TTC13: variants seen among roughly 807,000 people sequenced by gnomAD.
TTC13 encodes the protein tetratricopeptide repeat domain 13, also known as tetratricopeptide repeat protein 13.
TTC13 carries 62 observed loss-of-function variants against 120.0 expected under a neutral mutation model. The observed-to-expected ratio is 0.52, with a 90% CI of 0.42 to 0.64. TTC13 has a LOEUF of 0.64. Among genes scored for constraint, TTC13 ranks in the 30% least tolerant of loss-of-function variants. The pLI, the probability that TTC13 is intolerant of heterozygous loss-of-function variation, is 0.00. For synonymous variants in TTC13, 384 were observed against 393.5 expected (o/e 0.98, Z 0.28); for missense variants, 824 against 1,050.2 (o/e 0.78, Z 2.98).
At chr1:230,915,791 C>A (rs533096933) in intron 18 of TTC13, among the ~76,000 whole-genome samples, 89 of 151,124 alleles carry the variant, frequency 5.9e-4, no homozygotes, top group East Asian at 7.7e-4. Context: ...CTCTCTCTCT[C>A]TCTCTCTATA....
intron 18 of TTC13, among the ~76,000 whole-genome samples, chr1:230,914,567 G>A (rs1327574641): frequency 1.3e-5 from 2 of 151,798 alleles, no homozygotes; most frequent in Non-Finnish European, 2.9e-5. Context: ...GCTAATTTTT[G>A]TATTTTTAGT....
intron 16 of TTC13, among the ~76,000 whole-genome samples, chr1:230,921,000 C>A (rs1365684813): frequency 6.6e-6 from 1 of 152,106 alleles, no homozygotes; most frequent in African/African-American, 2.4e-5. Flanking sequence ...AAGTATTCTG[C>A]TAGGTTTTTC....
At chr1:230,920,825 C>A (rs1672511435) in intron 16 of TTC13, among the ~76,000 whole-genome samples, 1 of 152,122 alleles carries the variant, frequency 6.6e-6, no homozygotes, top group Non-Finnish European at 1.5e-5. Context: ...AAGGAAACAT[C>A]TAGAAGGCAA....
At chr1:230,962,417 C>T (rs562027691) in intron 1 of TTC13, among the ~76,000 whole-genome samples, 28 of 152,208 alleles carry the variant, frequency 1.8e-4, no homozygotes, top group Middle Eastern at 3.4e-3. Flanking sequence ...CACACACACA[C>T]ACTAGGATGG....
At chr1:230,943,947 G>A in intron 5 of TTC13, 49 bp from the exon 6 acceptor site, 5 of 1,412,118 alleles carry the variant, frequency 3.5e-6, no homozygotes, top group Non-Finnish European at 4.8e-6. Context: ...CTCAAAACCA[G>A]GCTGAAAAAA....
At chr1:230,951,021 C>A (rs1675519095) in intron 4 of TTC13, among the ~76,000 whole-genome samples, 1 of 152,142 alleles carries the variant, frequency 6.6e-6, no homozygotes, top group South Asian at 2.1e-4. Context: ...CTATTAAACC[C>A]TGTCATTGTG....
At position 230,978,666 on chromosome 1, in the gene TTC13, G is replaced by C; in HGVS notation, c.165C>G (p.Leu55=). The C allele has an allele frequency of 3.4e-6, 5 of 1,485,406 alleles. No individual in the cohort carries two copies. Among genetic ancestry groups the C allele is most frequent in the Non-Finnish European group, 4.4e-6 (5 of 1,126,076 alleles). 92.0% of individuals were successfully genotyped at this position (1,485,406 alleles called of 1,614,324 possible). ...ATEHYSPLSL[L]KQELQHRQQQ... is the part of the protein sequence containing the mutation. ...GCTGCCGGTGCTGCAGCTCCTGCTT[G>C]AGCAGGGAGAGCGGCGAGTAGTGCT... The change falls in exon 1 of 23, where the codon CTC becomes CTG. Residue 55 remains leucine, a synonymous_variant. Transcript: ENST00000366661. This position sits in a 1 kb window ranked among gnomAD's most constrained non-coding sequence, Gnocchi z 5.6.
intron 22 of TTC13, among the ~76,000 whole-genome samples, chr1:230,907,985 G>T (rs375914320): frequency 1.1e-3 from 11 of 10,214 alleles, no homozygotes; most frequent in Non-Finnish European, 2.5e-3. Context: ...CACAGTGTCC[G>T]TCAGGGATAA....
intron 1 of TTC13, among the ~76,000 whole-genome samples, chr1:230,966,428 T>C (rs1016575032): frequency 7.3e-6 from 1 of 136,800 alleles, no homozygotes. Flanking sequence ...GATCTCTTTA[T>C]TTAAATATTT....
chr1:230,908,682 C>CCCTT (rs1254242399), intron 22 of TTC13, 30 bp downstream of exon 22: 1 of 1,590,142 alleles, frequency 6.3e-7, no homozygotes, highest in East Asian at 2.2e-5. Context: ...AGTTATGATA[C>CCCTT]CCTTGTGTGG....
At chr1:230,947,314 A>C (rs2102904137) in intron 4 of TTC13, among the ~76,000 whole-genome samples, 1 of 152,248 alleles carries the variant, frequency 6.6e-6, no homozygotes, top group East Asian at 1.9e-4. Flanking sequence ...AGCAGGAAAA[A>C]AGGGAACCTA....
chr1:230,917,551 G>C (rs1257419411), intron 17 of TTC13, among the ~76,000 whole-genome samples: 3 of 152,138 alleles, frequency 2.0e-5, no homozygotes, highest in Non-Finnish European at 4.4e-5. Flanking sequence ...ATTCTGCTGT[G>C]TGTGCCTTGC....
chr1:230,912,620 T>C lies in TTC13; in HGVS notation c.2229+3A>G, dbSNP rs1189321496. ...AGAAAAATGGAAACAAAGAGAAACCTACCCCAAATTCTGATGAAAGAATCA... is the reference window on the plus strand; with the variant it reads ...AGAAAAATGGAAACAAAGAGAAACCCACCCCAAATTCTGATGAAAGAATCA... On this transcript the variant is annotated splice_donor_region_variant and intron_variant, in intron 19 of 22. Transcript: ENST00000366661. The C allele has an allele frequency of 1.2e-6, 2 of 1,608,620 alleles. No individual in the cohort carries two copies. Among genetic ancestry groups the C allele is most frequent in the African/African-American group, 1.3e-5 (1 of 74,666 alleles).
Position 230,944,123 on chromosome 1 carries a change from C to T in TTC13, c.580-225G>A, listed in dbSNP as rs981099613. 3.9e-5 allele frequency among the ~76,000 whole-genome samples: 6 copies of T among 152,244 alleles called. No homozygotes were observed. Among genetic ancestry groups the T allele is most frequent in the Non-Finnish European group, 5.9e-5 (4 of 68,016 alleles). On this transcript the variant is annotated intron_variant, in intron 5 of 22. Coordinates refer to ENST00000366661, the MANE Select transcript of TTC13 (RefSeq NM_024525.5). This position sits in a 1 kb window ranked among gnomAD's most constrained non-coding sequence, Gnocchi z 4.0. ...TTACTCAACAATAACATGTTAGACC[C>T]GGCTACCTATCACAAATTCCACAGA...
intron 4 of TTC13, among the ~76,000 whole-genome samples, chr1:230,951,128 A>G (rs1675530483): frequency 6.6e-6 from 1 of 152,216 alleles, no homozygotes; most frequent in Non-Finnish European, 1.5e-5. Context: ...TTATGGAAAT[A>G]TTTCCCAGGT....
At chr1:230,938,629 A>G (rs1170204283) in intron 8 of TTC13, among the ~76,000 whole-genome samples, 1 of 152,176 alleles carries the variant, frequency 6.6e-6, no homozygotes, top group East Asian at 1.9e-4. Context: ...TGGTCTCTCA[A>G]GGAGCTGGGT....
chr1:230,921,981 AC>A (rs1288359880), intron 15 of TTC13, among the ~76,000 whole-genome samples: 1 of 151,320 alleles, frequency 6.6e-6, no homozygotes, highest in Non-Finnish European at 1.5e-5. Context: ...TTTTAAACTC[AC>A]TCCCAGAACT....
intron 15 of TTC13, among the ~76,000 whole-genome samples, chr1:230,923,508 G>A (rs1444782478): frequency 6.6e-6 from 1 of 151,900 alleles, no homozygotes; most frequent in Non-Finnish European, 1.5e-5. Context: ...GAATATTATG[G>A]TTACTGTAAT....
chr1:230,939,730 ACT>A (rs1245105387), intron 7 of TTC13, among the ~76,000 whole-genome samples: 2 of 152,220 alleles, frequency 1.3e-5, no homozygotes, highest in East Asian at 1.9e-4. Context: ...TAATTTAAGC[ACT>A]CTGTCTCAAC....
Sources: allele counts gnomAD v4.1 joint callset (sites outside exome capture counted in the v4.1 genomes callset), GRCh38; gene constraint gnomAD v4.1.1; non-coding constraint Gnocchi (gnomAD v3.1); transcripts MANE v1.5; gene names NCBI Gene and HGNC (gene_info 2026-07-23, HGNC 2026-07-21).